Variants in TLN2 observed in about 807,000 individuals in gnomAD.
TLN2 encodes talin-2.
In TLN2, 118 loss-of-function variants were observed where a neutral mutation model predicts 294.7. That is an observed-to-expected ratio of 0.40 (90% CI 0.34 to 0.47). TLN2 has a LOEUF of 0.47. Among genes scored for constraint, TLN2 ranks in the 20% least tolerant of loss-of-function variants. TLN2 has a pLI of 0.84. For missense variants in TLN2, 3,083 were observed against 3,282.2 expected, an observed-to-expected ratio of 0.94 and a Z score of 1.48; for synonymous variants, 1,431 against 1,304.5, an observed-to-expected ratio of 1.10 and a Z score of -2.09.
intron 12 of TLN2, among the ~76,000 whole-genome samples, chr15:62,690,983 C>T (rs549026678): frequency 7.1e-6 from 1 of 141,448 alleles, no homozygotes; most frequent in Non-Finnish European, 1.5e-5. Context: ...AGCTTCGGCT[C>T]GGCATCAGAG....
intron 1 of TLN2, among the ~76,000 whole-genome samples, chr15:62,574,754 GTATTATA>G (rs1459324221): frequency 6.6e-6 from 1 of 151,960 alleles, no homozygotes; most frequent in Non-Finnish European, 1.5e-5. Context: ...CATCAACACT[GTATTATA>G]TGTCACAGTG....
intron 3 of TLN2, among the ~76,000 whole-genome samples, chr15:62,621,904 T>C (rs2048866495): frequency 1.3e-5 from 2 of 152,204 alleles, no homozygotes; most frequent in South Asian, 4.1e-4. Context: ...ACAGATGGCC[T>C]CAGGACCTCA....
chr15:62,834,075 T>TA (rs1220272220), intron 55 of TLN2: 1 of 153,354 alleles, frequency 6.5e-6, no homozygotes, highest in Non-Finnish European at 1.5e-5. Context: ...AGCACTTTCC[T>TA]AAGTCTGCTG....
chr15:62,810,014 C>G lies in TLN2; in HGVS notation c.6753C>G (p.Leu2251=). 6.2e-7 allele frequency: 1 copy of G among 1,614,046 alleles called. No individual in the cohort carries two copies. The highest frequency in any genetic ancestry group is 8.5e-7 in the Non-Finnish European group (1 of 1,179,992). The change falls in exon 52 of 59, where the codon CTC becomes CTG. Residue 2251 remains leucine, a synonymous_variant. Coordinates refer to ENST00000636159, the MANE Select transcript of TLN2 (RefSeq NM_015059.3). ...GTECTLGYLD[L]LEHVLVILQK... is the part of the protein sequence containing the mutation. ...AGTGCACCCTTGGCTACTTGGACCT[C>G]CTGGAGCACGTCTTGGTGGTAAGAA...
At chr15:62,543,026 C>T (rs906701412) in intron 1 of TLN2, among the ~76,000 whole-genome samples, 14 of 152,088 alleles carry the variant, frequency 9.2e-5, no homozygotes, top group African/African-American at 3.4e-4. Flanking sequence ...ATGTCAGCTT[C>T]AGAAATATAA....
intron 1 of TLN2, among the ~76,000 whole-genome samples, chr15:62,494,076 G>A (rs2038894047): frequency 6.6e-6 from 1 of 152,146 alleles, no homozygotes; most frequent in Non-Finnish European, 1.5e-5. Context: ...AGGAAGCCAT[G>A]CAGGAGACTG....
At chr15:62,676,275 T>C (rs996765775) in intron 11 of TLN2, among the ~76,000 whole-genome samples, 6 of 152,212 alleles carry the variant, frequency 3.9e-5, no homozygotes, top group African/African-American at 1.4e-4. Flanking sequence ...ACCAAGATGT[T>C]ATGCATCAGA....
chr15:62,484,904 C>T (rs534348211), intron 1 of TLN2, among the ~76,000 whole-genome samples: 2 of 152,180 alleles, frequency 1.3e-5, no homozygotes, highest in Non-Finnish European at 2.9e-5. Flanking sequence ...TGACTTGAAA[C>T]AACCCAAATG....
At chr15:62,836,434 C>G (rs986996233) in intron 57 of TLN2, among the ~76,000 whole-genome samples, 15 of 152,212 alleles carry the variant, frequency 9.9e-5, no homozygotes, top group Admixed American at 5.2e-4. Context: ...CACTCAGGTT[C>G]CCATCACATG....
chr15:62,472,486 C>G (rs1478980439), intron 1 of TLN2, among the ~76,000 whole-genome samples: 1 of 152,232 alleles, frequency 6.6e-6, no homozygotes, highest in East Asian at 1.9e-4. Flanking sequence ...GTAGGCACTT[C>G]TCCCGTGCTT....
chr15:62,501,677 G>C (rs977591458), intron 1 of TLN2, among the ~76,000 whole-genome samples: 3 of 152,248 alleles, frequency 2.0e-5, no homozygotes, highest in Non-Finnish European at 2.9e-5. Flanking sequence ...CATCCACACT[G>C]ATGTGACAGA....
At position 62,582,247 on chromosome 15, in the gene TLN2, C is replaced by CACACACAT. The variant is rs1412650912; in HGVS notation, c.-237-7439_-237-7438insCACACATA. On this transcript the variant is annotated intron_variant, in intron 1 of 58. Coordinates refer to ENST00000636159, the MANE Select transcript of TLN2 (RefSeq NM_015059.3). ...ACACACACACACACACACACACACA[C>CACACACAT]ATTCATGCCTGACCCATTCCTGACC... Among the ~76,000 whole-genome samples, 139 of 103,196 alleles carry CACACACAT rather than the reference C, an allele frequency of 1.3e-3. 2 individuals are homozygous for CACACACAT. Among genetic ancestry groups the CACACACAT allele is most frequent in the South Asian group, 7.1e-3 (18 of 2,550 alleles). 67.7% of individuals were successfully genotyped at this position (103,196 alleles called of 152,430 possible).
intron 1 of TLN2, among the ~76,000 whole-genome samples, chr15:62,415,816 C>T (rs887643978): frequency 3.3e-5 from 5 of 152,170 alleles, no homozygotes; most frequent in African/African-American, 9.7e-5. Context: ...CAGAGGTCCA[C>T]GTGTCAAGTT....
intron 1 of TLN2, among the ~76,000 whole-genome samples, chr15:62,544,858 A>G (rs896310536): frequency 1.3e-5 from 2 of 149,350 alleles, no homozygotes; most frequent in Admixed American, 1.4e-4. Context: ...TTTTTTCCTT[A>G]TCAATGCTAG....
In TLN2 at chr15:62,843,579, C is replaced by G. The variant is rs368067256; in HGVS notation, c.*2969C>G. On this transcript the variant is annotated 3_prime_UTR_variant, in exon 59 of 59. Transcript: ENST00000636159. Reference sequence around the variant, plus strand: ...TTAAGAAATGAGCTGCCTGTAGCCTCACGGCATATGCTTTTATCAGGGAAA... The same window carrying G: ...TTAAGAAATGAGCTGCCTGTAGCCTGACGGCATATGCTTTTATCAGGGAAA... The G allele has an allele frequency of 4.4e-4, 67 of 152,442 alleles. No individual in the cohort carries two copies. Among genetic ancestry groups the G allele is most frequent in the African/African-American group, 1.5e-3 (62 of 41,594 alleles). 9.4% of individuals were successfully genotyped at this position (152,442 alleles called of 1,614,324 possible).
chr15:62,730,752 T>C (rs184117268), intron 28 of TLN2, among the ~76,000 whole-genome samples: 177 of 152,306 alleles, frequency 1.2e-3, no homozygotes, highest in African/African-American at 4.0e-3. Flanking sequence ...TTCCTTGCTT[T>C]TTGAGTTTTT....
chr15:62,807,161 G>T (rs1019839809), intron 51 of TLN2, among the ~76,000 whole-genome samples: 8 of 152,142 alleles, frequency 5.3e-5, no homozygotes, highest in Admixed American at 5.2e-4. Flanking sequence ...GCAAGTATTG[G>T]CCACTTTGAT....
At chr15:62,435,174 C>T (rs1595796533) in intron 1 of TLN2, among the ~76,000 whole-genome samples, 1 of 152,140 alleles carries the variant, frequency 6.6e-6, no homozygotes, top group African/African-American at 2.4e-5. Flanking sequence ...CATTGATGGG[C>T]ATTTGGGTTG....
intron 1 of TLN2, among the ~76,000 whole-genome samples, chr15:62,459,262 AG>A (rs1208190284): frequency 6.7e-6 from 1 of 149,674 alleles, no homozygotes; most frequent in African/African-American, 2.5e-5. Flanking sequence ...GGCCTCCCAA[AG>A]TGCTGGGATT....
Sources: gnomAD v4.1 joint callset for allele counts (sites outside exome capture counted in the v4.1 genomes callset) on GRCh38, gnomAD v4.1.1 for gene constraint, MANE v1.5 for transcripts, NCBI Gene and HGNC (gene_info 2026-07-23, HGNC 2026-07-21) for gene names.